Variants in CEP112 observed in about 807,000 individuals in gnomAD.
CEP112 encodes centrosomal protein of 112 kDa.
A neutral mutation model predicts 153.0 loss-of-function variants in CEP112; 127 were observed. The ratio of observed to expected loss-of-function variants is 0.83; its 90% confidence interval spans 0.72 to 0.96. CEP112 has a LOEUF of 0.96. Ranked by LOEUF, CEP112 falls within the 40% of genes least tolerant of loss-of-function variation. The probability of loss-of-function intolerance (pLI) is 0.00; values close to 1 mark genes in which losing one functional copy is unlikely to be tolerated. For synonymous variants in CEP112, 358 were observed against 374.4 expected (o/e 0.96, Z 0.51); for missense variants, 1,089 against 1,101.2 (o/e 0.99, Z 0.16).
intron 17 of CEP112, among the ~76,000 whole-genome samples, chr17:65,968,692 T>C (rs934100753): frequency 2.6e-5 from 4 of 152,218 alleles, no homozygotes; most frequent in Non-Finnish European, 5.9e-5. Context: ...GAAAAGTTAC[T>C]ACATTTTTTA....
At chr17:65,930,536 T>C (rs1370684490) in intron 18 of CEP112, among the ~76,000 whole-genome samples, 1 of 152,234 alleles carries the variant, frequency 6.6e-6, no homozygotes, top group Non-Finnish European at 1.5e-5. Context: ...ATCCCAAAAA[T>C]ATTAAGTCAT....
chr17:66,019,634 G>A (rs1394941262), intron 16 of CEP112, among the ~76,000 whole-genome samples: 2 of 152,290 alleles, frequency 1.3e-5, no homozygotes, highest in East Asian at 3.9e-4. Context: ...TTTAAAGATT[G>A]TTATTATTTT....
intron 21 of CEP112, among the ~76,000 whole-genome samples, chr17:65,762,283 A>T (rs1447182221): frequency 6.6e-6 from 1 of 151,572 alleles, no homozygotes. Flanking sequence ...TATGGTATAT[A>T]TTTTTTTTGA....
At chr17:65,652,807 T>C (rs371025179) in intron 24 of CEP112, among the ~76,000 whole-genome samples, 1 of 152,326 alleles carries the variant, frequency 6.6e-6, no homozygotes, top group East Asian at 1.9e-4. Flanking sequence ...CAACAATGGC[T>C]AGTGAGTGTC....
At chr17:66,027,908 T>A (rs758620459) in intron 15 of CEP112, among the ~76,000 whole-genome samples, 24 of 151,150 alleles carry the variant, frequency 1.6e-4, no homozygotes, top group Non-Finnish European at 3.2e-4. Context: ...TATTTTTTGA[T>A]CACGAGAGAA....
chr17:65,927,145 T>TTC (rs148902487), intron 19 of CEP112, among the ~76,000 whole-genome samples: 29 of 150,018 alleles, frequency 1.9e-4, no homozygotes, highest in Admixed American at 8.6e-4. Flanking sequence ...ACCTCCTCGC[T>TTC]TCTCTCTCTC....
intron 4 of CEP112, among the ~76,000 whole-genome samples, chr17:66,136,923 A>G (rs560325858): frequency 5.3e-5 from 8 of 152,298 alleles, no homozygotes; most frequent in African/African-American, 1.9e-4. Context: ...ATCCATAAAG[A>G]CTGGGAGAAG....
At chr17:66,140,744 G>A (rs2070657055) in intron 4 of CEP112, among the ~76,000 whole-genome samples, 1 of 152,066 alleles carries the variant, frequency 6.6e-6, no homozygotes, top group Non-Finnish European at 1.5e-5. Context: ...CTGGGTTCAA[G>A]CAATTCTCCT....
intron 24 of CEP112, among the ~76,000 whole-genome samples, chr17:65,677,444 A>G (rs2047288583): frequency 1.3e-5 from 2 of 152,216 alleles, no homozygotes; most frequent in Non-Finnish European, 2.9e-5. Context: ...TTCTAACTAT[A>G]TATTTTTTCT....
chr17:66,115,206 CA>C lies in CEP112; in HGVS notation c.642+14539del, dbSNP rs1032449539. ...GGTGACAGAGACTGTCTCAAACAAA[CA>C]AAAAAAAAACCCTGACAATACTAGG... On this transcript the variant is annotated intron_variant, in intron 6 of 26. Transcript: ENST00000535342. Among the ~76,000 whole-genome samples the C allele has an allele frequency of 5.5e-5, 8 of 146,492 alleles. No homozygotes were observed. In the East Asian group the frequency reaches 7.9e-4, roughly 15 times the overall value.
At chr17:65,987,560 G>A (rs2063453016) in intron 17 of CEP112, among the ~76,000 whole-genome samples, 1 of 152,166 alleles carries the variant, frequency 6.6e-6, no homozygotes, top group African/African-American at 2.4e-5. Flanking sequence ...GAAAAAAAGA[G>A]AATTACATCT....
intron 24 of CEP112, among the ~76,000 whole-genome samples, chr17:65,686,864 G>GTT (rs34909403): frequency 0.36 from 54,616 of 150,570 alleles, 9,953 homozygotes; most frequent in Middle Eastern, 0.52. Context: ...TTGCTATCCA[G>GTT]TTTTTTTTTT....
chr17:66,070,748 T>A (rs1229415072), intron 8 of CEP112, among the ~76,000 whole-genome samples: 1 of 152,174 alleles, frequency 6.6e-6, no homozygotes, highest in Non-Finnish European at 1.5e-5. Context: ...TTATCTCAAA[T>A]GTGAAAGTAT....
At chr17:65,892,128 C>A (rs778213199) in intron 20 of CEP112, among the ~76,000 whole-genome samples, 5 of 152,180 alleles carry the variant, frequency 3.3e-5, no homozygotes, top group Non-Finnish European at 7.4e-5. Context: ...AGGCCATGCC[C>A]TGTACAACTC....
intron 23 of CEP112, among the ~76,000 whole-genome samples, chr17:65,731,145 G>A (rs1341638240): frequency 6.6e-6 from 1 of 152,046 alleles, no homozygotes; most frequent in East Asian, 1.9e-4. Context: ...CTTGGCTTTG[G>A]CATACAGCCT....
chr17:66,126,616 G>C (rs756249106), intron 6 of CEP112, among the ~76,000 whole-genome samples: 10 of 151,948 alleles, frequency 6.6e-5, no homozygotes, highest in Admixed American at 3.9e-4. Flanking sequence ...AAATACAAGA[G>C]AAAAATATCA....
chr17:65,788,430 T>G (rs2054398493), intron 21 of CEP112, among the ~76,000 whole-genome samples: 1 of 152,198 alleles, frequency 6.6e-6, no homozygotes, highest in Non-Finnish European at 1.5e-5. Context: ...ATGGGGGATA[T>G]TACTTCTTTT....
intron 6 of CEP112, among the ~76,000 whole-genome samples, chr17:66,111,854 G>A (rs2069064427): frequency 6.6e-6 from 1 of 152,096 alleles, no homozygotes; most frequent in Admixed American, 6.6e-5. Flanking sequence ...AAAAGCATCA[G>A]TAAGAGAGAA....
At chr17:66,019,943 G>A (rs369066532) in intron 16 of CEP112, among the ~76,000 whole-genome samples, 5 of 152,208 alleles carry the variant, frequency 3.3e-5, no homozygotes, top group African/African-American at 1.2e-4. Flanking sequence ...AATGGTAGAA[G>A]AAAGATTTCC....
Sources: allele counts gnomAD v4.1 joint callset (sites outside exome capture counted in the v4.1 genomes callset), GRCh38; gene constraint gnomAD v4.1.1; transcripts MANE v1.5; gene names NCBI Gene and HGNC (gene_info 2026-07-23, HGNC 2026-07-21).